The following CNTNAP2 variants were observed in gnomAD, a reference collection of about 807,000 sequenced individuals.
The protein encoded by CNTNAP2 is contactin-associated protein-like 2.
In CNTNAP2, 98 loss-of-function variants were observed where a neutral mutation model predicts 155.2. The ratio of observed to expected loss-of-function variants is 0.63; its 90% CI spans 0.54 to 0.75. The LOEUF is 0.75. Ranked by LOEUF, CNTNAP2 falls within the 30% of genes least tolerant of loss-of-function variation. The pLI is 0.00. For missense variants in CNTNAP2, 1,727 were observed against 1,688.1 expected, an observed-to-expected ratio of 1.02 and a Z score of -0.40; for synonymous variants, 651 against 631.2, an observed-to-expected ratio of 1.03 and a Z score of -0.47.
At chr7:147,447,567 C>T (rs914834696) in intron 10 of CNTNAP2, among the ~76,000 whole-genome samples, 2 of 152,020 alleles carry the variant, frequency 1.3e-5, no homozygotes, top group Non-Finnish European at 2.9e-5. Context: ...CAGGCGCGCG[C>T]CACCAAGCCC....
intron 1 of CNTNAP2, among the ~76,000 whole-genome samples, chr7:146,437,241 C>A (rs1400285144): frequency 6.6e-6 from 1 of 151,452 alleles, no homozygotes; most frequent in Non-Finnish European, 1.5e-5. Flanking sequence ...CTACCCCAAC[C>A]TCACCCTCCT....
intron 1 of CNTNAP2, among the ~76,000 whole-genome samples, chr7:146,523,224 G>A (rs974725673): frequency 2.6e-5 from 4 of 151,964 alleles, no homozygotes; most frequent in African/African-American, 9.7e-5. Context: ...AGATAGAATA[G>A]CCAGATATAA....
chr7:146,459,129 A>C (rs1796600125), intron 1 of CNTNAP2, among the ~76,000 whole-genome samples: 4 of 152,186 alleles, frequency 2.6e-5, no homozygotes, highest in Non-Finnish European at 5.9e-5. Flanking sequence ...TAATGGAGAA[A>C]TCAGGCCTGC....
At position 147,910,754 on chromosome 7, in the gene CNTNAP2, A is replaced by T. The variant is rs987167235; in HGVS notation, c.2255+7033A>T. Among the ~76,000 whole-genome samples, 3 of 152,264 alleles carry T rather than the reference A, an allele frequency of 2.0e-5. No homozygotes were observed. The East Asian group carries it at 5.8e-4, about 29-fold the overall frequency. ...CTCATGAGACTTAGTCCCTACCAGGAGAACAGTATGGGGGATACCACCCCC... is the reference window on the plus strand; with the variant it reads ...CTCATGAGACTTAGTCCCTACCAGGTGAACAGTATGGGGGATACCACCCCC... On this transcript the variant is annotated intron_variant, in intron 14 of 23. Coordinates refer to ENST00000361727, the MANE Select transcript of CNTNAP2 (RefSeq NM_014141.6).
At chr7:146,529,510 CT>C (rs1797737632) in intron 1 of CNTNAP2, among the ~76,000 whole-genome samples, 1 of 152,052 alleles carries the variant, frequency 6.6e-6, no homozygotes, top group Non-Finnish European at 1.5e-5. Context: ...TTCCTTAAAG[CT>C]CAGAAACAAG....
At chr7:147,910,264 C>T (rs1343016100) in intron 14 of CNTNAP2, among the ~76,000 whole-genome samples, 1 of 152,088 alleles carries the variant, frequency 6.6e-6, no homozygotes, top group Non-Finnish European at 1.5e-5. Context: ...TTTATATATG[C>T]ATTCTCATTC....
chr7:146,343,268 G>A (rs549994805), intron 1 of CNTNAP2, among the ~76,000 whole-genome samples: 2 of 152,054 alleles, frequency 1.3e-5, no homozygotes, highest in East Asian at 1.9e-4. Flanking sequence ...GGAAACACAC[G>A]CTTAGAGAAC....
chr7:147,241,835 A>C (rs1451265351), intron 8 of CNTNAP2, among the ~76,000 whole-genome samples: 3 of 152,158 alleles, frequency 2.0e-5, no homozygotes, highest in Non-Finnish European at 4.4e-5. Flanking sequence ...TGAGTTTCAG[A>C]TAACAAATGA....
At chr7:146,599,096 G>A (rs1798907568) in intron 1 of CNTNAP2, among the ~76,000 whole-genome samples, 1 of 151,868 alleles carries the variant, frequency 6.6e-6, no homozygotes, top group Admixed American at 6.6e-5. Context: ...AATATATGTT[G>A]TCTCTGCCTT....
At chr7:146,332,828 C>T (rs1483678940) in intron 1 of CNTNAP2, among the ~76,000 whole-genome samples, 1 of 151,938 alleles carries the variant, frequency 6.6e-6, no homozygotes, top group Non-Finnish European at 1.5e-5. Flanking sequence ...ATATCCCTAA[C>T]CCAGAAAGTA....
intron 8 of CNTNAP2, among the ~76,000 whole-genome samples, chr7:147,243,016 T>TTTTTTTTTTTTTG (rs1803977056): frequency 8.3e-6 from 1 of 121,004 alleles, no homozygotes; most frequent in African/African-American, 3.0e-5. Context: ...TTTTTTTTTT[T>TTTTTTTTTTTTTG]GAGAGGGAGT....
At chr7:147,481,146 A>G (rs1241377203) in intron 10 of CNTNAP2, among the ~76,000 whole-genome samples, 1 of 152,186 alleles carries the variant, frequency 6.6e-6, no homozygotes, top group African/African-American at 2.4e-5. Flanking sequence ...ACACAAAGAC[A>G]TTTTATTTTA....
intron 13 of CNTNAP2, among the ~76,000 whole-genome samples, chr7:147,868,924 T>C (rs533935808): frequency 6.6e-6 from 1 of 152,344 alleles, no homozygotes; most frequent in South Asian, 2.1e-4. Flanking sequence ...CCCCTTGCAC[T>C]TCCCAGGTGA....
At chr7:147,517,521 G>A (rs1381267506) in intron 11 of CNTNAP2, among the ~76,000 whole-genome samples, 1 of 152,186 alleles carries the variant, frequency 6.6e-6, no homozygotes, top group Non-Finnish European at 1.5e-5. Flanking sequence ...ACTGATTTCA[G>A]AAAAGCTATT....
rs190731141 is a variant in CNTNAP2 at position 146,644,938 on chromosome 7, T to G, written c.98-129333T>G. Among the ~76,000 whole-genome samples, 3 of 152,146 alleles carry G rather than the reference T, an allele frequency of 2.0e-5. No homozygotes were observed. In the East Asian group the frequency reaches 5.8e-4, roughly 29 times the overall value. On this transcript the variant is annotated intron_variant, in intron 1 of 23. Coordinates refer to ENST00000361727, the MANE Select transcript of CNTNAP2 (RefSeq NM_014141.6). ...CTGGTACCATTCCTTCTGAAACTAT[T>G]CCAGTCAGTAGAAAAAGAGGGAATC...
At chr7:148,267,410 T>G (rs1796692180) in intron 21 of CNTNAP2, among the ~76,000 whole-genome samples, 1 of 152,034 alleles carries the variant, frequency 6.6e-6, no homozygotes, top group Non-Finnish European at 1.5e-5. Flanking sequence ...ATCCCAGCAC[T>G]TTGGGAGGCT....
intron 8 of CNTNAP2, among the ~76,000 whole-genome samples, chr7:147,171,689 A>C (rs766490461): frequency 1.4e-4 from 22 of 152,198 alleles, no homozygotes; most frequent in Non-Finnish European, 2.9e-5. Flanking sequence ...GCCTTCTCCA[A>C]ATATACATGT....
At chr7:146,357,024 C>T (rs1795008334) in intron 1 of CNTNAP2, among the ~76,000 whole-genome samples, 1 of 152,158 alleles carries the variant, frequency 6.6e-6, no homozygotes, top group African/African-American at 2.4e-5. Context: ...CGTGCAATGA[C>T]TGAAGTTATT....
chr7:147,476,903 G>A (rs1462746156), intron 10 of CNTNAP2, among the ~76,000 whole-genome samples: 2 of 146,932 alleles, frequency 1.4e-5, no homozygotes, highest in African/African-American at 5.1e-5. Flanking sequence ...TCTCCGGCCT[G>A]GGTGACAGAG....
Sources: gnomAD v4.1 joint callset for allele counts (sites outside exome capture counted in the v4.1 genomes callset) on GRCh38, gnomAD v4.1.1 for gene constraint, MANE v1.5 for transcripts, NCBI Gene and HGNC (gene_info 2026-07-23, HGNC 2026-07-21) for gene names.